The following COLGALT2 variants were observed in gnomAD, a reference collection of about 807,000 sequenced individuals.
COLGALT2 encodes the protein collagen beta(1-O)galactosyltransferase 2.
In COLGALT2, 49 loss-of-function variants were observed where a neutral mutation model predicts 73.4. The ratio of observed to expected loss-of-function variants is 0.67; its 90% confidence interval spans 0.53 to 0.85. COLGALT2 has a LOEUF of 0.85. Ranked by LOEUF, COLGALT2 falls within the 40% of genes least tolerant of loss-of-function variation. The pLI is 0.00. For synonymous variants in COLGALT2, 295 were observed against 307.6 expected (o/e 0.96, Z 0.43); for missense variants, 722 against 790.2 (o/e 0.91, Z 1.03).
intron 2 of COLGALT2, among the ~76,000 whole-genome samples, chr1:183,977,404 G>C (rs1671225827): frequency 1.3e-5 from 2 of 150,934 alleles, no homozygotes; most frequent in African/African-American, 2.4e-5. Context: ...CCAGGAGGCG[G>C]AGGTTGCAGT....
chr1:183,982,949 C>G (rs1280394153), intron 1 of COLGALT2, among the ~76,000 whole-genome samples: 2 of 152,182 alleles, frequency 1.3e-5, no homozygotes, highest in Non-Finnish European at 2.9e-5. Context: ...TCTTATCGTA[C>G]GAAATGTGTT....
chr1:183,944,829 T>G (rs1670207102), intron 9 of COLGALT2, among the ~76,000 whole-genome samples: 1 of 152,210 alleles, frequency 6.6e-6, no homozygotes, highest in Admixed American at 6.5e-5. Flanking sequence ...ACATTTCACT[T>G]AAAGTTTAAA....
At chr1:184,010,094 C>T (rs537290187) in intron 1 of COLGALT2, among the ~76,000 whole-genome samples, 25 of 152,306 alleles carry the variant, frequency 1.6e-4, no homozygotes, top group African/African-American at 5.8e-4. Flanking sequence ...TCCAGCATGG[C>T]TCTGGGGTCT....
chr1:183,962,548 T>C (rs1475390569), intron 6 of COLGALT2, among the ~76,000 whole-genome samples: 1 of 152,138 alleles, frequency 6.6e-6, no homozygotes, highest in East Asian at 1.9e-4. Context: ...AAGACAGAAC[T>C]TGGGAGTTTT....
At chr1:184,029,548 C>A (rs1047777299) in intron 1 of COLGALT2, among the ~76,000 whole-genome samples, 1 of 152,224 alleles carries the variant, frequency 6.6e-6, no homozygotes, top group Non-Finnish European at 1.5e-5. Context: ...ATCCAGGGGA[C>A]AGCAGCTACT....
At chr1:184,010,662 A>G (rs1297993908) in intron 1 of COLGALT2, among the ~76,000 whole-genome samples, 1 of 152,230 alleles carries the variant, frequency 6.6e-6, no homozygotes, top group African/African-American at 2.4e-5. Context: ...CCATGACCAA[A>G]GAACAGTGGC....
intron 1 of COLGALT2, among the ~76,000 whole-genome samples, chr1:183,982,801 CTT>C (rs1671388284): frequency 6.6e-6 from 1 of 152,052 alleles, no homozygotes; most frequent in Non-Finnish European, 1.5e-5. Context: ...GACCCCATCT[CTT>C]AAAAAAAATA....
At position 183,964,165 on chromosome 1, in the gene COLGALT2, T is replaced by TA. The variant is rs1024864781; in HGVS notation, c.833-146dup. ...GTTGTTTCAGGTATGTCTATAGACC[T>TA]AAAAAATGCTCCTTTATTAAAAAAG... On this transcript the variant is annotated intron_variant, in intron 5 of 11. Transcript: ENST00000361927. The TA allele has an allele frequency of 7.0e-6, 5 of 713,912 alleles. No homozygotes were observed. The African/African-American group carries it at 7.4e-5, about 11-fold the overall frequency. The allele number at this position is 713,912 out of a possible 1,614,324, so 44.2% of individuals were successfully genotyped here.
intron 5 of COLGALT2, chr1:183,964,323 G>A (rs1670805247): frequency 2.6e-6 from 1 of 381,872 alleles, no homozygotes. Context: ...GGATCAAAAG[G>A]GAGGCAAGGA....
intron 8 of COLGALT2, 98 bp from the exon 9 acceptor site, chr1:183,945,662 C>T (rs181650370): frequency 2.2e-6 from 3 of 1,394,692 alleles, no homozygotes; most frequent in Non-Finnish European, 3.0e-6. Context: ...ACCCCTCCCC[C>T]ACACAGACAA....
At chr1:184,000,647 A>G (rs1671894694) in intron 1 of COLGALT2, among the ~76,000 whole-genome samples, 1 of 151,924 alleles carries the variant, frequency 6.6e-6, no homozygotes, top group African/African-American at 2.4e-5. Context: ...AGATTTCTGC[A>G]TCTTAAGTCT....
In COLGALT2 at chr1:183,938,541, C is replaced by T. The variant is rs116807975; in HGVS notation, c.*220G>A. On this transcript the variant is annotated 3_prime_UTR_variant, in exon 12 of 12. Transcript: ENST00000361927. The stretch of plus-strand genomic sequence containing the variant: ...GTTTATCTTAACAGTTTCCAAAAAA[C>T]CTGTCTTTCAGCCGTCTTGGGAAAT... The T allele has an allele frequency of 4.1e-3, 5,804 of 1,404,704 alleles. 212 individuals carry two copies. In the African/African-American group the frequency reaches 0.077, roughly 19 times the overall value. 87.0% of individuals were successfully genotyped at this position (1,404,704 alleles called of 1,614,324 possible). A position where few individuals can be genotyped will look rare whatever the true frequency, so the allele number is the denominator to read the frequency against.
intron 1 of COLGALT2, among the ~76,000 whole-genome samples, chr1:183,992,007 C>T (rs1671641204): frequency 6.6e-6 from 1 of 152,094 alleles, no homozygotes; most frequent in South Asian, 2.1e-4. Flanking sequence ...AGATGTGTTG[C>T]TGTTGCCTTT....
At chr1:183,951,233 T>C in intron 7 of COLGALT2, 120 bp from the exon 8 acceptor site, 2 of 697,792 alleles carry the variant, frequency 2.9e-6, no homozygotes, top group South Asian at 3.5e-5. Context: ...GGAAGAACTG[T>C]CGTGAAAATT....
intron 5 of COLGALT2, among the ~76,000 whole-genome samples, chr1:183,968,518 T>C (rs568995424): frequency 6.6e-6 from 1 of 152,346 alleles, no homozygotes; most frequent in Non-Finnish European, 1.5e-5. Flanking sequence ...CCTCTTTATC[T>C]GTTCTTTCCT....
Position 184,018,333 on chromosome 1 carries a change from C to T in COLGALT2, c.263+18762G>A, listed in dbSNP as rs1164335211. On this transcript the variant is annotated intron_variant, in intron 1 of 11. Transcript: ENST00000361927. The stretch of plus-strand genomic sequence containing the variant: ...GTACAGATGGAATACCACCTCTTCC[C>T]ATCTCACTATATTTGAAATGGGGTT... Among the ~76,000 whole-genome samples the T allele has an allele frequency of 2.0e-5, 3 of 152,164 alleles. No homozygotes were observed. In the East Asian group the frequency reaches 5.8e-4, roughly 29 times the overall value.
chr1:184,018,004 G>T (rs959858738), intron 1 of COLGALT2, among the ~76,000 whole-genome samples: 21 of 152,098 alleles, frequency 1.4e-4, no homozygotes, highest in African/African-American at 5.1e-4. Context: ...TTAAGCAAAA[G>T]ATGTTATAAA....
intron 1 of COLGALT2, among the ~76,000 whole-genome samples, chr1:184,001,425 C>T (rs1266185528): frequency 6.6e-6 from 1 of 151,866 alleles, no homozygotes; most frequent in Non-Finnish European, 1.5e-5. Flanking sequence ...ACTGTCTATC[C>T]CTCAATCTTT....
rs150214481 is a variant in COLGALT2, at chr1:183,951,061, C to T, written c.1082G>A (p.Arg361His). The T allele has an allele frequency of 6.1e-5, 98 of 1,613,762 alleles. No homozygotes were observed. Among genetic ancestry groups the T allele is most frequent in the Non-Finnish European group, 7.7e-5 (91 of 1,179,850 alleles). The change falls in exon 8 of 12, where the codon CGC becomes CAC. Residue 361 changes from arginine (R) to histidine (H), a missense_variant. By Grantham distance (29) the Arg-to-His change is conservative (BLOSUM62 0). Coordinates refer to ENST00000361927, the MANE Select transcript of COLGALT2 (RefSeq NM_015101.4). ...RRKDRRDRML[R>H]TLYEQEIEVK... ...CTCAATCTCCTGTTCATACAGTGTG[C>T]GCAGCATCCGGTCCCGCCTGTCCTT...
Sources: gnomAD v4.1 joint callset for allele counts (sites outside exome capture counted in the v4.1 genomes callset) on GRCh38, gnomAD v4.1.1 for gene constraint, MANE v1.5 for transcripts, NCBI Gene and HGNC (gene_info 2026-07-23, HGNC 2026-07-21) for gene names.